Variants in TBATA observed in about 807,000 individuals in gnomAD.
The protein encoded by TBATA is protein TBATA.
A neutral mutation model predicts 38.7 loss-of-function variants in TBATA; 47 were observed. That is an observed-to-expected ratio of 1.21 (90% CI 0.96 to 1.55). TBATA has a LOEUF of 1.55. TBATA is among the 40% of genes most tolerant of loss of function. The probability of loss-of-function intolerance (pLI) is 0.00; values close to 1 mark genes in which losing one functional copy is unlikely to be tolerated. For synonymous variants in TBATA, 183 were observed against 170.5 expected (o/e 1.07, Z -0.57); for missense variants, 436 against 435.6 (o/e 1.00, Z -0.01).
intron 9 of TBATA, 78 bp from the exon 10 acceptor site, chr10:70,772,644 G>A (rs568809704): frequency 2.8e-6 from 4 of 1,445,184 alleles, no homozygotes; most frequent in Admixed American, 3.3e-5. Flanking sequence ...GAGACAGGGA[G>A]GTGGGGAAGG....
rs758450141 is a variant in TBATA, at chr10:70,771,324, CT to C, written c.*51del. On this transcript the variant is annotated 3_prime_UTR_variant, in exon 11 of 11. Transcript: ENST00000456372. ...GAAGGTGGTGGAGACAGAAACACCC[CT>C]GAACCCTTGGGGCTGCTCTTGAGCA... 46 of 1,613,996 alleles carry C rather than the reference CT, an allele frequency of 2.9e-5. No individual in the cohort carries two copies. In the African/African-American group the frequency reaches 5.7e-4, roughly 20 times the overall value.
At chr10:70,777,931 G>A (rs1026486747) in intron 6 of TBATA, 5 of 361,016 alleles carry the variant, frequency 1.4e-5, no homozygotes, top group Non-Finnish European at 2.2e-5. Flanking sequence ...GCTGCAGTGA[G>A]TTAGTTGTGA....
At chr10:70,773,570 C>T (rs1410400621) in intron 9 of TBATA, among the ~76,000 whole-genome samples, 5 of 152,158 alleles carry the variant, frequency 3.3e-5, no homozygotes, top group Non-Finnish European at 7.4e-5. Flanking sequence ...GGGAGTCAGT[C>T]GGGTCCAAGA....
chr10:70,777,548 CG>C (rs1263769256), intron 6 of TBATA, among the ~76,000 whole-genome samples: 2 of 152,150 alleles, frequency 1.3e-5, no homozygotes, highest in Non-Finnish European at 2.9e-5. Context: ...TGGGCATCCC[CG>C]GCCCTCTCTC....
rs376704840 is a variant in TBATA at position 70,777,186 on chromosome 10, G to T, written c.660C>A (p.Val220=). The T allele has an allele frequency of 6.2e-7, 1 of 1,613,120 alleles. No individual in the cohort carries two copies. The highest frequency in any genetic ancestry group is 1.3e-5 in the African/African-American group (1 of 74,928). Residue 220 remains valine (V), a synonymous_variant, in exon 7 of 11, where the codon GTC becomes GTA. Coordinates refer to ENST00000456372, the MANE Select transcript of TBATA (RefSeq NM_001318241.2). ...CCTGATCCTGAAGGAGGAAAGCCTGGACTCCTTCATGTCTGCTGGAAGACT... is the reference window on the plus strand; with the variant it reads ...CCTGATCCTGAAGGAGGAAAGCCTGTACTCCTTCATGTCTGCTGGAAGACT... The part of the protein sequence containing the change: ...QSQSSSRHEG[V]QAFLLQDQEL...
At chr10:70,778,171 C>T (rs535878516) in intron 6 of TBATA, among the ~76,000 whole-genome samples, 10 of 152,300 alleles carry the variant, frequency 6.6e-5, no homozygotes, top group Admixed American at 5.9e-4. Context: ...CAATTAAGAA[C>T]AAGCTGCTCC....
intron 9 of TBATA, among the ~76,000 whole-genome samples, chr10:70,773,129 G>A (rs1842954224): frequency 1.3e-5 from 2 of 152,144 alleles, no homozygotes; most frequent in South Asian, 4.1e-4. Flanking sequence ...CAAGGTCACA[G>A]TGAAGCCTGT....
At chr10:70,782,942 GC>G (rs1337869232) in intron 3 of TBATA, among the ~76,000 whole-genome samples, 3 of 152,228 alleles carry the variant, frequency 2.0e-5, no homozygotes, top group Non-Finnish European at 1.5e-5. Context: ...CACTGACTTG[GC>G]CCCTGAGTTT....
chr10:70,777,656 G>A (rs534043248), intron 6 of TBATA: 11 of 413,910 alleles, frequency 2.7e-5, no homozygotes, highest in South Asian at 8.6e-5. Flanking sequence ...CTGGATGCCC[G>A]CGGGTGGTTC....
At chr10:70,777,679 C>A (rs1843603009) in intron 6 of TBATA, 2 of 387,542 alleles carry the variant, frequency 5.2e-6, no homozygotes, top group Admixed American at 7.5e-5. Context: ...GTTCTCCCTC[C>A]CAGGTAGGTC....
In TBATA at chr10:70,782,566, C is replaced by A. The variant is rs1326590819; in HGVS notation, c.42-530G>T. The stretch of plus-strand genomic sequence containing the variant: ...TGGAGCTTAGGCCAGACCAGACCAG[C>A]AAGTTCTGTTCCCATGGGGGTCCCT... On this transcript the variant is annotated intron_variant, in intron 3 of 10. Coordinates refer to ENST00000456372, the MANE Select transcript of TBATA (RefSeq NM_001318241.2). 4 of 985,350 alleles carry A rather than the reference C, an allele frequency of 4.1e-6. No homozygotes were observed. The East Asian group carries it at 4.5e-4, about 112-fold the overall frequency. The allele number at this position is 985,350 out of a possible 1,614,324, so 61.0% of individuals were successfully genotyped here.
intron 2 of TBATA, 78 bp from the exon 3 acceptor site, chr10:70,783,603 T>C (rs1206720108): frequency 2.0e-6 from 1 of 503,418 alleles, no homozygotes; most frequent in East Asian, 3.5e-5. Flanking sequence ...CTTTCCCAGA[T>C]ATAAGAGAAA....
chr10:70,776,849 C>A lies in TBATA; in HGVS notation c.693+304G>T, dbSNP rs1277525222. Among the ~76,000 whole-genome samples the A allele has an allele frequency of 2.0e-5, 3 of 152,292 alleles. No homozygotes were observed. In the East Asian group the frequency reaches 5.8e-4, roughly 29 times the overall value. ...ATGGGCAGGACCTCCTTCTTCAACC[C>A]ACCATTGCAGCTCCCTTCACTAACT... On this transcript the variant is annotated intron_variant, in intron 7 of 10. Transcript: ENST00000456372.
chr10:70,777,263 C>T lies in TBATA; in HGVS notation c.583G>A (p.Ala195Thr), dbSNP rs534046101. 9.0e-5 allele frequency: 145 copies of T among 1,613,664 alleles called. 1 individual carries two copies. The South Asian group carries it at 1.1e-3, about 13-fold the overall frequency. ...CGGCGGCCGACAGCCCGGGTGGAAG[C>T]GGGGATGAGCCTCCCAGTCTCTGCT... Reference protein sequence around the residue: ...YSAETGRLIPASTRAVGRRRS... With the variant: ...YSAETGRLIPTSTRAVGRRRS... The change falls in exon 7 of 11, where the codon GCT becomes ACT. Residue 195 changes from alanine to threonine, a missense_variant. By Grantham distance (58) the Ala-to-Thr change is moderately conservative. Coordinates refer to ENST00000456372, the MANE Select transcript of TBATA (RefSeq NM_001318241.2).
intron 3 of TBATA, among the ~76,000 whole-genome samples, chr10:70,782,912 C>T (rs1318684581): frequency 6.6e-6 from 1 of 152,208 alleles, no homozygotes; most frequent in Non-Finnish European, 1.5e-5. Flanking sequence ...GCGTGCCGCC[C>T]CCGGACCCTC....
In TBATA at chr10:70,778,626, C is replaced by T; in HGVS notation, c.438G>A (p.Lys146=). The T allele has an allele frequency of 1.9e-6, 3 of 1,614,206 alleles. No individual in the cohort carries two copies. The highest frequency in any genetic ancestry group is 2.2e-5 in the South Asian group (2 of 91,082). The stretch of plus-strand genomic sequence containing the variant: ...GGGAAGCTAGCTCCTTCAACTCCTT[C>T]TTCCAGGCTTCTGGGAGGAGGGGAC... ...RNPQLSSEAW[K]KELKELASRV... The change falls in exon 6 of 11, where the codon AAG becomes AAA. Residue 146 remains lysine, a synonymous_variant. Coordinates refer to ENST00000456372, the MANE Select transcript of TBATA (RefSeq NM_001318241.2).
intron 3 of TBATA, chr10:70,782,429 G>T: frequency 1.5e-6 from 2 of 1,297,246 alleles, no homozygotes; most frequent in South Asian, 2.5e-5. Context: ...CTCAACAGGG[G>T]CCTCTCCCCA....
chr10:70,779,898 A>C, intron 4 of TBATA, 156 bp from the exon 5 acceptor site: 1 of 774,420 alleles, frequency 1.3e-6, no homozygotes. Flanking sequence ...CATTGTAACC[A>C]CCTAGACCAG....
At chr10:70,775,838 G>A (rs569687756) in intron 7 of TBATA, among the ~76,000 whole-genome samples, 3 of 152,322 alleles carry the variant, frequency 2.0e-5, no homozygotes, top group Non-Finnish European at 4.4e-5. Context: ...GGCCGGTTCT[G>A]CAAACTGCTC....
Sources: allele counts gnomAD v4.1 joint callset (sites outside exome capture counted in the v4.1 genomes callset), GRCh38; gene constraint gnomAD v4.1.1; transcripts MANE v1.5; gene names NCBI Gene and HGNC (gene_info 2026-07-23, HGNC 2026-07-21).